Variants in RERE observed in about 807,000 individuals in gnomAD.
RERE encodes the protein arginine-glutamic acid dipeptide repeats protein.
Under a neutral mutation model 146.1 loss-of-function variants are expected in RERE, and 40 were observed. The ratio of observed to expected loss-of-function variants is 0.27; its 90% confidence interval spans 0.21 to 0.36. RERE has a LOEUF of 0.36. Ranked by LOEUF, RERE falls within the 10% of genes least tolerant of loss-of-function variation. The pLI, the probability that RERE is intolerant of heterozygous loss-of-function variation, is 1.00. For missense variants in RERE, 1,933 were observed against 2,138.7 expected, an observed-to-expected ratio of 0.90 and a Z score of 1.90; for synonymous variants, 1,003 against 866.0, an observed-to-expected ratio of 1.16 and a Z score of -2.78.
intron 8 of RERE, among the ~76,000 whole-genome samples, chr1:8,506,754 G>A (rs374036801): frequency 6.6e-6 from 1 of 152,180 alleles, no homozygotes; most frequent in Non-Finnish European, 1.5e-5. Flanking sequence ...TGCTCCTAAG[G>A]GGAAAAGAAG....
chr1:8,682,300 C>T (rs915828979), intron 1 of RERE, among the ~76,000 whole-genome samples: 1 of 152,202 alleles, frequency 6.6e-6, no homozygotes, highest in South Asian at 2.1e-4. Context: ...TATCTCATTT[C>T]TTTCCATGAT....
At chr1:8,501,076 G>A (rs1178268094) in intron 8 of RERE, among the ~76,000 whole-genome samples, 3 of 134,832 alleles carry the variant, frequency 2.2e-5, no homozygotes, top group South Asian at 2.4e-4. Flanking sequence ...CGCCCCGTCC[G>A]GGAGGTGAGG....
Position 8,656,172 on chromosome 1 carries a change from G to A in RERE, c.126C>T (p.Thr42=). Residue 42 remains threonine (T), a synonymous_variant, in exon 2 of 23, where the codon ACC becomes ACT. Transcript: ENST00000400908. ...CATAATTTTTGGCTCCTCCTTCCAA[G>A]GTACAGCTCCGGCGTGGCCTTGAAT... ...SENSRPRRSC[T]LEGGAKNYAE... 6.2e-7 allele frequency: 1 copy of A among 1,613,846 alleles called. No homozygotes were observed.
chr1:8,535,582 GTATTC>G (rs904284658), intron 7 of RERE, among the ~76,000 whole-genome samples: 8 of 152,130 alleles, frequency 5.3e-5, no homozygotes, highest in African/African-American at 1.9e-4. Context: ...AATGCACACA[GTATTC>G]TAACTACCAC....
At chr1:8,595,760 G>A (rs1455066804) in intron 4 of RERE, among the ~76,000 whole-genome samples, 2 of 152,156 alleles carry the variant, frequency 1.3e-5, no homozygotes, top group East Asian at 1.9e-4. Context: ...ATGGAAGGAG[G>A]AGTGGTTAGA....
At chr1:8,557,698 T>G (rs1487177208) in intron 4 of RERE, among the ~76,000 whole-genome samples, 175 bp from the exon 5 acceptor site, 1 of 152,164 alleles carries the variant, frequency 6.6e-6, no homozygotes. Context: ...TTTTGTTTTT[T>G]AAAAACACCC....
chr1:8,783,655 AT>A (rs1467771193), intron 1 of RERE, among the ~76,000 whole-genome samples: 1 of 152,136 alleles, frequency 6.6e-6, no homozygotes, highest in Non-Finnish European at 1.5e-5. Context: ...CAGAAATTAA[AT>A]TTTTTAAAAA....
At chr1:8,628,224 G>A (rs535590060) in intron 2 of RERE, among the ~76,000 whole-genome samples, 2 of 152,182 alleles carry the variant, frequency 1.3e-5, no homozygotes, top group South Asian at 4.1e-4. Context: ...ATATGAAAAA[G>A]TTAGAGAAGC....
chr1:8,726,683 A>C (rs986642241), intron 1 of RERE, among the ~76,000 whole-genome samples: 2 of 152,230 alleles, frequency 1.3e-5, no homozygotes, highest in African/African-American at 4.8e-5. Context: ...AAGCATGAAC[A>C]TGTTGACTTA....
intron 4 of RERE, among the ~76,000 whole-genome samples, chr1:8,566,715 A>C (rs1646157117): frequency 6.6e-6 from 1 of 152,170 alleles, no homozygotes; most frequent in Non-Finnish European, 1.5e-5. Context: ...GCATTTCCAA[A>C]TGGGTATACC....
intron 11 of RERE, among the ~76,000 whole-genome samples, chr1:8,455,200 A>G (rs1484810433): frequency 6.6e-6 from 1 of 152,082 alleles, no homozygotes; most frequent in African/African-American, 2.4e-5. Flanking sequence ...TCAGAATAAC[A>G]ATCTTCCTGG....
At chr1:8,634,654 T>A (rs1647074244) in intron 2 of RERE, among the ~76,000 whole-genome samples, 1 of 152,176 alleles carries the variant, frequency 6.6e-6, no homozygotes, top group African/African-American at 2.4e-5. Context: ...CCTTAAATCG[T>A]TGTTGTTTTC....
chr1:8,411,317 CTT>C (rs35754702), intron 12 of RERE, among the ~76,000 whole-genome samples: 36 of 139,880 alleles, frequency 2.6e-4, no homozygotes, highest in Non-Finnish European at 3.0e-4. Context: ...GGCTTCAAGT[CTT>C]TTTTTTTTTT....
At chr1:8,393,314 C>A (rs1348329938) in intron 12 of RERE, among the ~76,000 whole-genome samples, 1 of 152,254 alleles carries the variant, frequency 6.6e-6, no homozygotes, top group East Asian at 1.9e-4. Flanking sequence ...TAATAAATGC[C>A]AAGTAAGATG....
intron 4 of RERE, among the ~76,000 whole-genome samples, chr1:8,561,578 T>C (rs1646078974): frequency 6.6e-6 from 1 of 152,226 alleles, no homozygotes; most frequent in South Asian, 2.1e-4. Flanking sequence ...TGTTTATATC[T>C]AGATTTCCTC....
intron 1 of RERE, among the ~76,000 whole-genome samples, chr1:8,690,765 G>GA (rs1442540824): frequency 6.6e-5 from 10 of 151,916 alleles, no homozygotes; most frequent in African/African-American, 2.4e-4. Context: ...TGGAACAAAG[G>GA]AAAAAATAGA....
chr1:8,362,803 G>C lies in RERE; in HGVS notation c.1782C>G (p.Ser594Arg). Residue 594 changes from serine to arginine, a missense_variant, in exon 16 of 23, where the codon AGC (serine) becomes AGG (arginine). Coordinates refer to ENST00000400908, the MANE Select transcript of RERE (RefSeq NM_001042681.2). ...LRSGRKKQPA[S>R]PDGRTSPINE... ...TGATGGGTGAGGTGCGACCATCAGGGCTGGCTGGCTGCTTCTTCCGACCAC... is the reference window on the plus strand; with the variant it reads ...TGATGGGTGAGGTGCGACCATCAGGCCTGGCTGGCTGCTTCTTCCGACCAC... 6.2e-7 allele frequency: 1 copy of C among 1,614,116 alleles called. No homozygotes were observed. The highest frequency in any genetic ancestry group is 8.5e-7 in the Non-Finnish European group (1 of 1,180,026).
intron 4 of RERE, among the ~76,000 whole-genome samples, chr1:8,599,072 C>G (rs1405120421): frequency 6.6e-6 from 1 of 152,194 alleles, no homozygotes; most frequent in Non-Finnish European, 1.5e-5. Context: ...CCCAGCCTGG[C>G]GGACAGCGGG....
intron 1 of RERE, among the ~76,000 whole-genome samples, chr1:8,702,838 A>C (rs1639482132): frequency 6.6e-6 from 1 of 152,170 alleles, no homozygotes; most frequent in Non-Finnish European, 1.5e-5. Context: ...GGCTACTTAA[A>C]AACTAGTGAG....
Sources: allele counts gnomAD v4.1 joint callset (sites outside exome capture counted in the v4.1 genomes callset), GRCh38; gene constraint gnomAD v4.1.1; transcripts MANE v1.5; gene names NCBI Gene and HGNC (gene_info 2026-07-23, HGNC 2026-07-21).